Variants in RNLS observed in about 807,000 individuals in gnomAD.
RNLS encodes the protein renalase.
Under a neutral mutation model 39.8 loss-of-function variants are expected in RNLS, and 39 were observed. The ratio of observed to expected loss-of-function variants is 0.98; its 90% CI spans 0.76 to 1.28. The LOEUF (loss-of-function observed/expected upper bound fraction) is 1.28, where lower values mean the gene tolerates loss of function less well. Ranked by LOEUF, RNLS falls within the 50% of genes most tolerant of loss-of-function variation. The pLI, the probability that RNLS is intolerant of heterozygous loss-of-function variation, is 0.00. For synonymous variants in RNLS, 147 were observed against 150.7 expected (o/e 0.98, Z 0.18); for missense variants, 410 against 413.3 (o/e 0.99, Z 0.07).
chr10:88,303,638 G>A (rs1844698561), intron 6 of RNLS, among the ~76,000 whole-genome samples: 1 of 152,160 alleles, frequency 6.6e-6, no homozygotes, highest in Non-Finnish European at 1.5e-5. Flanking sequence ...TGTATGGGGT[G>A]GGTTTTGCAG....
intron 5 of RNLS, among the ~76,000 whole-genome samples, chr10:88,354,733 C>T (rs1446096917): frequency 6.6e-6 from 1 of 152,162 alleles, no homozygotes; most frequent in East Asian, 1.9e-4. Context: ...GTGGCGTTCT[C>T]TCTATTTCCT....
chr10:88,564,298 G>A (rs1412703039), intron 4 of RNLS, among the ~76,000 whole-genome samples: 1 of 147,170 alleles, frequency 6.8e-6, no homozygotes, highest in Non-Finnish European at 1.5e-5. Flanking sequence ...TGTTTTGAAA[G>A]GTTGTGATGA....
At chr10:88,186,852 G>A in the RNLS span, among the ~76,000 whole-genome samples, 6 of 152,004 alleles carry the variant, frequency 3.9e-5, no homozygotes, top group African/African-American at 1.5e-4. Flanking sequence ...CTTAATTTAT[G>A]GAGGCTATTA....
chr10:88,318,600 C>T (rs552153538), intron 5 of RNLS, among the ~76,000 whole-genome samples: 16 of 152,308 alleles, frequency 1.1e-4, no homozygotes, highest in Middle Eastern at 3.4e-3. Flanking sequence ...AAAACAGCAG[C>T]ATCCTGGCAA....
At chr10:88,355,651 CG>C (rs886655037) in intron 5 of RNLS, among the ~76,000 whole-genome samples, 2 of 152,144 alleles carry the variant, frequency 1.3e-5, no homozygotes, top group Non-Finnish European at 2.9e-5. Context: ...ATAGGCTACT[CG>C]GGGGTCAGGG....
intron 4 of RNLS, among the ~76,000 whole-genome samples, chr10:88,396,547 AAAG>A (rs1160629407): frequency 1.3e-5 from 2 of 151,560 alleles, no homozygotes; most frequent in Non-Finnish European, 3.0e-5. Flanking sequence ...ACTTAATACC[AAAG>A]AAGGCAGTAA....
chr10:88,472,482 C>A (rs1843602600), intron 4 of RNLS, among the ~76,000 whole-genome samples: 1 of 152,060 alleles, frequency 6.6e-6, no homozygotes. Flanking sequence ...TGGAAGGGAT[C>A]TGCCCAAACA....
intron 6 of RNLS, among the ~76,000 whole-genome samples, chr10:88,314,054 A>G (rs970887488): frequency 1.1e-4 from 17 of 152,236 alleles, no homozygotes; most frequent in Non-Finnish European, 2.2e-4. Flanking sequence ...AAATTGTGGT[A>G]GCAAAATACA....
chr10:88,554,914 C>A (rs545300007), intron 4 of RNLS, among the ~76,000 whole-genome samples: 53 of 152,118 alleles, frequency 3.5e-4, no homozygotes, highest in Admixed American at 1.6e-3. Flanking sequence ...CTTCTAACAG[C>A]CTAATTATTT....
intron 4 of RNLS, among the ~76,000 whole-genome samples, chr10:88,365,084 C>T (rs1230480861): frequency 6.6e-6 from 1 of 151,914 alleles, no homozygotes; most frequent in Non-Finnish European, 1.5e-5. Flanking sequence ...CACTAGGTAG[C>T]CCTTTGAAAA....
At position 88,513,553 on chromosome 10, in the gene RNLS, T is replaced by C. The variant is rs550089036; in HGVS notation, c.526+59350A>G. Among the ~76,000 whole-genome samples the C allele has an allele frequency of 3.5e-4, 54 of 152,262 alleles. 1 individual carries two copies. Among genetic ancestry groups the C allele is most frequent in the African/African-American group, 1.1e-3 (45 of 41,574 alleles). ...ATCCCTTCATCACTCTATGAATCCATTGTAATTTTTTATTAATTTCTGAAT... is the reference window on the plus strand; with the variant it reads ...ATCCCTTCATCACTCTATGAATCCACTGTAATTTTTTATTAATTTCTGAAT... On this transcript the variant is annotated intron_variant, in intron 4 of 6. Coordinates refer to ENST00000331772, the MANE Select transcript of RNLS (RefSeq NM_001031709.3).
chr10:88,327,685 A>G (rs1196475431), intron 5 of RNLS, among the ~76,000 whole-genome samples: 1 of 152,208 alleles, frequency 6.6e-6, no homozygotes, highest in East Asian at 1.9e-4. Context: ...GTCAGTTCTT[A>G]TAAGTGTTTT....
chr10:88,251,860 T>A, the RNLS span, among the ~76,000 whole-genome samples: 1 of 152,206 alleles, frequency 6.6e-6, no homozygotes, highest in Admixed American at 6.5e-5. Flanking sequence ...GAGGCCCAGG[T>A]CCAGGAGACA....
At chr10:88,446,272 C>T (rs1589807167) in intron 4 of RNLS, among the ~76,000 whole-genome samples, 1 of 152,052 alleles carries the variant, frequency 6.6e-6, no homozygotes, top group African/African-American at 2.4e-5. Context: ...CCAACGAGAA[C>T]AAAGACACAA....
chr10:88,368,698 T>C (rs1196108094), intron 4 of RNLS, among the ~76,000 whole-genome samples: 1 of 152,174 alleles, frequency 6.6e-6, no homozygotes, highest in Admixed American at 6.6e-5. Context: ...ATTTGGTTAA[T>C]CGTTTCATTA....
At chr10:88,283,965 A>C, downstream of RNLS, 1 of 231,778 alleles carries the variant, frequency 4.3e-6, no homozygotes, top group Non-Finnish European at 7.1e-6. Flanking sequence ...TTAAAATTTA[A>C]AAAATATAAA....
At chr10:88,239,252 G>A in the RNLS span, among the ~76,000 whole-genome samples, 11 of 152,164 alleles carry the variant, frequency 7.2e-5, no homozygotes, top group East Asian at 1.9e-4. Flanking sequence ...TGGGTTAACC[G>A]CAGAGTAACT....
chr10:88,372,364 T>G (rs1296820572), intron 4 of RNLS, among the ~76,000 whole-genome samples: 1 of 152,122 alleles, frequency 6.6e-6, no homozygotes, highest in Non-Finnish European at 1.5e-5. Context: ...TTTACTGCCT[T>G]TTGCCACTCT....
chr10:88,487,297 G>A (rs764611648), intron 4 of RNLS, among the ~76,000 whole-genome samples: 7 of 151,728 alleles, frequency 4.6e-5, no homozygotes, highest in African/African-American at 9.7e-5. Flanking sequence ...ACAATAAACC[G>A]CCATGACACA....
Sources: allele counts gnomAD v4.1 joint callset (sites outside exome capture counted in the v4.1 genomes callset), GRCh38; gene constraint gnomAD v4.1.1; transcripts MANE v1.5; gene names NCBI Gene and HGNC (gene_info 2026-07-23, HGNC 2026-07-21).